Variants in UBE2T observed in about 807,000 individuals in gnomAD.
The protein encoded by UBE2T is ubiquitin-conjugating enzyme E2 T.
UBE2T carries 15 observed loss-of-function variants against 23.3 expected under a neutral mutation model. The observed-to-expected ratio is 0.64, with a 90% CI of 0.43 to 0.99. The LOEUF (loss-of-function observed/expected upper bound fraction) is 0.99, where lower values mean the gene tolerates loss of function less well. Ranked by LOEUF, UBE2T falls within the 50% of genes least tolerant of loss-of-function variation. The pLI, the probability that UBE2T is intolerant of heterozygous loss-of-function variation, is 0.00. For missense variants in UBE2T, 197 were observed against 234.9 expected, an observed-to-expected ratio of 0.84 and a Z score of 1.05; for synonymous variants, 67 against 78.4, an observed-to-expected ratio of 0.85 and a Z score of 0.77.
chr1:202,339,551 G>A (rs1311265069), intron 1 of UBE2T, among the ~76,000 whole-genome samples: 1 of 125,146 alleles, frequency 8.0e-6, no homozygotes, highest in African/African-American at 3.1e-5. Flanking sequence ...TGTACTTCAA[G>A]ATCACGCCAC....
Position 202,333,238 on chromosome 1 carries a change from A to G in UBE2T, c.383T>C (p.Ile128Thr), listed in dbSNP as rs146752001. ...PNPDDPLMAD[I>T]SSEFKYNKPA... ...GCAGAGGAAAATGGGGATATTTACT[A>G]TGTCAGCCATGAGCGGGTCATCAGG... Residue 128 changes from isoleucine (I) to threonine (T), a missense_variant and splice_region_variant, in exon 5 of 7, where the codon ATA becomes ACA. Physicochemically the swap from Ile to Thr is moderately conservative, Grantham distance 89. Transcript: ENST00000646651. The G allele has an allele frequency of 7.4e-6, 12 of 1,614,036 alleles. No individual in the cohort carries two copies. Among genetic ancestry groups the G allele is most frequent in the Admixed American group, 1.7e-5 (1 of 60,008 alleles).
At chr1:202,334,757 T>C (rs1654844600) in intron 3 of UBE2T, among the ~76,000 whole-genome samples, 1 of 152,212 alleles carries the variant, frequency 6.6e-6, no homozygotes, top group Non-Finnish European at 1.5e-5. Context: ...TTATGTTATG[T>C]ATATTTTATC....
chr1:202,333,524 G>C lies in UBE2T; in HGVS notation c.211C>G (p.Leu71Val), dbSNP rs774909474. The part of the protein sequence containing the change: ...YPFEPPQIRF[L>V]TPIYHPNIDS... ...ATGTTTGGATGATAAATTGGAGTGA[G>C]AAATCGGATCTGAGGAGGTTCAAAT... The change falls in exon 4 of 7, where the codon CTC becomes GTC. Residue 71 changes from leucine to valine, a missense_variant. By Grantham distance (32) the Leu-to-Val change is conservative. Transcript: ENST00000646651. 1.9e-6 allele frequency: 3 copies of C among 1,614,116 alleles called. No individual in the cohort carries two copies. Among genetic ancestry groups the C allele is most frequent in the Non-Finnish European group, 2.5e-6 (3 of 1,180,010 alleles).
intron 3 of UBE2T, among the ~76,000 whole-genome samples, chr1:202,334,687 T>C (rs788788): frequency 0.15 from 22,608 of 152,134 alleles, 1,731 homozygotes; most frequent in Middle Eastern, 0.24. Flanking sequence ...TTGGTGATGG[T>C]TGCATAACAA....
At chr1:202,336,678 T>G (rs1286121376) in intron 1 of UBE2T, among the ~76,000 whole-genome samples, 1 of 152,180 alleles carries the variant, frequency 6.6e-6, no homozygotes, top group Non-Finnish European at 1.5e-5. Context: ...GAAGTCTACA[T>G]ATGCTTTGTG....
At chr1:202,333,738 A>G (rs1051926798) in intron 3 of UBE2T, among the ~76,000 whole-genome samples, 183 bp from the exon 4 acceptor site, 1 of 152,196 alleles carries the variant, frequency 6.6e-6, no homozygotes, top group African/African-American at 2.4e-5. Flanking sequence ...TCAGTTTGAA[A>G]TAACAGTATT....
chr1:202,338,053 A>C (rs752520521), intron 1 of UBE2T, among the ~76,000 whole-genome samples: 1 of 152,102 alleles, frequency 6.6e-6, no homozygotes, highest in Non-Finnish European at 1.5e-5. Context: ...ATCCATGAAC[A>C]CGCTGTTTCA....
chr1:202,335,641 C>T lies in UBE2T; in HGVS notation c.109+5G>A, dbSNP rs759829508. The T allele has an allele frequency of 6.2e-7, 1 of 1,613,332 alleles. No homozygotes were observed. The highest frequency in any genetic ancestry group is 2.2e-5 in the East Asian group (1 of 44,874). On this transcript the variant is annotated splice_donor_5th_base_variant and intron_variant, in intron 2 of 6. Transcript: ENST00000646651. This position sits in a 1 kb window ranked among gnomAD's most constrained non-coding sequence, Gnocchi z 4.0. ...CTTTCATCATATACATGATTTGATA[C>T]CTACGAGCTCGCAGGTCATCCATTT...
chr1:202,336,229 T>A (rs1654880599), intron 1 of UBE2T, among the ~76,000 whole-genome samples: 1 of 145,846 alleles, frequency 6.9e-6, no homozygotes, highest in Non-Finnish European at 1.5e-5. Flanking sequence ...TTTTTTTTTT[T>A]TTTTTTTTTA....
intron 1 of UBE2T, among the ~76,000 whole-genome samples, chr1:202,337,619 T>C (rs1379173862): frequency 6.6e-6 from 1 of 152,224 alleles, no homozygotes; most frequent in African/African-American, 2.4e-5. Flanking sequence ...AATTTCTATA[T>C]GTGTGGATTT....
intron 1 of UBE2T, among the ~76,000 whole-genome samples, chr1:202,337,002 G>A (rs1654900023): frequency 6.6e-6 from 1 of 152,152 alleles, no homozygotes; most frequent in African/African-American, 2.4e-5. Flanking sequence ...GGAGTGCAGT[G>A]GTGCGATCTC....
At chr1:202,340,534 A>G (rs937497238) in intron 1 of UBE2T, among the ~76,000 whole-genome samples, 3 of 151,972 alleles carry the variant, frequency 2.0e-5, no homozygotes, top group Non-Finnish European at 4.4e-5. Flanking sequence ...AAAAGAAAAA[A>G]AGAACCAGCC....
chr1:202,335,675 T>C lies in UBE2T; in HGVS notation c.80A>G (p.Asp27Gly). 6.2e-7 allele frequency: 1 copy of C among 1,614,112 alleles called. No homozygotes were observed. Among genetic ancestry groups the C allele is most frequent in the Non-Finnish European group, 8.5e-7 (1 of 1,180,030 alleles). ...EPPPGITCWQ[D>G]KDQMDDLRAQ... ...TCGCAGGTCATCCATTTGGTCTTTA[T>C]CTTGCCAACATGTGATGCCTGGGGG... The change falls in exon 2 of 7, where the codon GAT becomes GGT. Residue 27 changes from aspartate to glycine, a missense_variant. Physicochemically the swap from Asp to Gly is moderately conservative, Grantham distance 94 (BLOSUM62 -1). Coordinates refer to ENST00000646651, the MANE Select transcript of UBE2T (RefSeq NM_014176.4). The surrounding 1 kb of genome is among the most constrained non-coding windows in gnomAD (Gnocchi z 4.0).
intron 1 of UBE2T, among the ~76,000 whole-genome samples, chr1:202,341,199 G>A (rs1654992948): frequency 6.6e-6 from 1 of 152,150 alleles, no homozygotes; most frequent in Non-Finnish European, 1.5e-5. Context: ...CTTGACAGCA[G>A]GTCCCTAGTC....
chr1:202,333,048 T>C lies in UBE2T; in HGVS notation c.430A>G (p.Arg144Gly), dbSNP rs1654800694. Residue 144 changes from arginine to glycine, a missense_variant, in exon 6 of 7, where the codon AGA becomes GGA. Transcript: ENST00000646651. ...YNKPAFLKNARQWTEKHARQK... is the reference protein window; with the variant it reads ...YNKPAFLKNAGQWTEKHARQK... ...CTTGCATGCTTCTCTGTCCACTGTC[T>C]GGCATTCTTGAGGAAGGCTGGCTTA... 1 of 1,613,532 alleles carries C rather than the reference T, an allele frequency of 6.2e-7. No homozygotes were observed. The highest frequency in any genetic ancestry group is 1.7e-5 in the Admixed American group (1 of 59,960).
chr1:202,335,446 A>C lies in UBE2T; in HGVS notation c.109+200T>G, dbSNP rs1169304275. ...CTTTAAATCTTGGCTATAAATCAGC[A>C]TAAGGTATAATAAAAAGTCAAAGAA... On this transcript the variant is annotated intron_variant, in intron 2 of 6. Transcript: ENST00000646651. The surrounding 1 kb of genome is among the most constrained non-coding windows in gnomAD (Gnocchi z 4.0). The C allele has an allele frequency of 2.0e-5, 12 of 594,768 alleles. No individual in the cohort carries two copies. Among genetic ancestry groups the C allele is most frequent in the Non-Finnish European group, 3.0e-6 (1 of 336,500 alleles). 36.8% of individuals were successfully genotyped at this position (594,768 alleles called of 1,614,324 possible). A position where few individuals can be genotyped will look rare whatever the true frequency, so the allele number is the denominator to read the frequency against.
rs1654816101 is a variant in UBE2T, at chr1:202,333,562, A to G, written c.180-7T>C. On this transcript the variant is annotated splice_polypyrimidine_tract_variant and splice_region_variant and intron_variant, in intron 3 of 6. Coordinates refer to ENST00000646651, the MANE Select transcript of UBE2T (RefSeq NM_014176.4). ...AGGAGGTTCAAATGGGTACCTATGA[A>G]AGAATAAGACAACAGATAATTTTCA... 6.2e-7 allele frequency: 1 copy of G among 1,606,932 alleles called. No individual in the cohort carries two copies. The highest frequency in any genetic ancestry group is 1.3e-5 in the African/African-American group (1 of 74,726).
In UBE2T at chr1:202,335,879, A is replaced by C; in HGVS notation, c.-64-61T>G. 1 of 783,464 alleles carries C rather than the reference A, an allele frequency of 1.3e-6. No individual in the cohort carries two copies. The highest frequency in any genetic ancestry group is 2.4e-4 in the Middle Eastern group (1 of 4,188). The allele number at this position is 783,464 out of a possible 1,614,324, so 48.5% of individuals were successfully genotyped here. A position where few individuals can be genotyped will look rare whatever the true frequency, so the allele number is the denominator to read the frequency against. Reference sequence around the variant, plus strand: ...CAATAATGACTATGAAGTTTTCAGCAAACAGCTTCAATGTAGTGAGGGTGG... The same window carrying C: ...CAATAATGACTATGAAGTTTTCAGCCAACAGCTTCAATGTAGTGAGGGTGG... On this transcript the variant is annotated intron_variant, in intron 1 of 6. Transcript: ENST00000646651. This position sits in a 1 kb window ranked among gnomAD's most constrained non-coding sequence, Gnocchi z 4.0.
chr1:202,340,274 T>G (rs1425906512), intron 1 of UBE2T, among the ~76,000 whole-genome samples: 1 of 148,176 alleles, frequency 6.7e-6, no homozygotes. Context: ...AGCACTTTGG[T>G]AGGCCAAGGT....
Sources: allele counts gnomAD v4.1 joint callset (sites outside exome capture counted in the v4.1 genomes callset), GRCh38; gene constraint gnomAD v4.1.1; non-coding constraint Gnocchi (gnomAD v3.1); transcripts MANE v1.5; gene names NCBI Gene and HGNC (gene_info 2026-07-23, HGNC 2026-07-21).